FAM219A: variants seen among roughly 807,000 people sequenced by gnomAD.
FAM219A encodes protein FAM219A.
A neutral mutation model predicts 23.4 loss-of-function variants in FAM219A; 7 were observed. The ratio of observed to expected loss-of-function variants is 0.30; its 90% CI spans 0.17 to 0.56. The LOEUF (loss-of-function observed/expected upper bound fraction) is 0.56, where lower values mean the gene tolerates loss of function less well. Among genes scored for constraint, FAM219A ranks in the 20% least tolerant of loss-of-function variants. The pLI is 0.92. For missense variants in FAM219A, 166 were observed against 246.9 expected (o/e 0.67, Z 2.20); for synonymous variants, 93 against 99.0 (o/e 0.94, Z 0.36).
At chr9:34,436,251 T>G (rs1822913048) in intron 1 of FAM219A, among the ~76,000 whole-genome samples, 1 of 152,008 alleles carries the variant, frequency 6.6e-6, no homozygotes, top group Non-Finnish European at 1.5e-5. Context: ...TGGGATTTTT[T>G]TGGGTTTTTT....
intron 1 of FAM219A, among the ~76,000 whole-genome samples, chr9:34,431,569 C>A (rs773285287): frequency 4.6e-5 from 7 of 152,072 alleles, no homozygotes; most frequent in South Asian, 2.1e-4. Context: ...ATAATTATTT[C>A]TTTTCCTAAA....
intron 1 of FAM219A, among the ~76,000 whole-genome samples, chr9:34,437,705 C>T (rs1181396644): frequency 6.6e-6 from 1 of 152,240 alleles, no homozygotes; most frequent in Non-Finnish European, 1.5e-5. Context: ...TTAAATGAAA[C>T]ACTGTGTGTC....
chr9:34,401,598 C>T, intron 5 of FAM219A, 68 bp downstream of exon 5: 3 of 1,554,260 alleles, frequency 1.9e-6, no homozygotes, highest in Non-Finnish European at 2.6e-6. Context: ...GCATTGGCCC[C>T]AGCCCTCCCC....
At chr9:34,401,299 G>A (rs977626826) in intron 5 of FAM219A, among the ~76,000 whole-genome samples, 177 bp from the exon 6 acceptor site, 3 of 152,064 alleles carry the variant, frequency 2.0e-5, no homozygotes, top group Admixed American at 6.6e-5. Flanking sequence ...GCCCTCCTTC[G>A]CCTCTGGCCT....
intron 1 of FAM219A, among the ~76,000 whole-genome samples, chr9:34,454,399 G>A (rs763832088): frequency 6.6e-5 from 10 of 152,158 alleles, no homozygotes; most frequent in African/African-American, 1.7e-4. Context: ...TCACACCACC[G>A]CACTCCAGCC....
intron 1 of FAM219A, among the ~76,000 whole-genome samples, chr9:34,409,467 G>A (rs1438429626): frequency 2.6e-5 from 4 of 152,200 alleles, no homozygotes; most frequent in African/African-American, 4.8e-5. Context: ...AGCTAGATCC[G>A]GGAACTAGAG....
In FAM219A at chr9:34,398,672, A is replaced by G. The variant is rs1327331668; in HGVS notation, c.*2292T>C. On this transcript the variant is annotated 3_prime_UTR_variant, in exon 6 of 6. Transcript: ENST00000651358. ...ACTGCAAGTCAGCAGCAAAGGCAGC[A>G]GTCTAAATGAGCCCCCAAAAAGAGG... The G allele has an allele frequency of 2.7e-6, 1 of 367,310 alleles. No individual in the cohort carries two copies. The highest frequency in any genetic ancestry group is 2.0e-5 in the African/African-American group (1 of 49,616). 22.8% of individuals were successfully genotyped at this position (367,310 alleles called of 1,614,324 possible).
intron 1 of FAM219A, among the ~76,000 whole-genome samples, chr9:34,451,870 AAAAGG>A (rs1297648922): frequency 1.3e-5 from 2 of 152,192 alleles, no homozygotes; most frequent in Non-Finnish European, 2.9e-5. Context: ...CTGGTCTCAG[AAAAGG>A]AAAGTACGTG....
Position 34,457,677 on chromosome 9 carries a change from C to A in FAM219A, c.60+527G>T, listed in dbSNP as rs921277366. On this transcript the variant is annotated intron_variant, in intron 1 of 5. Coordinates refer to ENST00000651358, the MANE Select transcript of FAM219A (RefSeq NM_001184940.2). The surrounding 1 kb of genome is among the most constrained non-coding windows in gnomAD (Gnocchi z 5.1). Reference sequence around the variant, plus strand: ...ACGGAATTCCCAGGTTCTGCACCAACCACCTTCCCCCACTGGGTCCCTCGC... The same window carrying A: ...ACGGAATTCCCAGGTTCTGCACCAAACACCTTCCCCCACTGGGTCCCTCGC... Among the ~76,000 whole-genome samples, 101 of 152,324 alleles carry A rather than the reference C, an allele frequency of 6.6e-4. No individual in the cohort carries two copies. Among genetic ancestry groups the A allele is most frequent in the African/African-American group, 2.2e-3 (90 of 41,578 alleles).
Position 34,398,619 on chromosome 9 carries a change from CAG to C in FAM219A, c.*2343_*2344del. Reference sequence around the variant, plus strand: ...GATTTTCCCTGGTGTCTCAGGGCCACAGAGATTGAACAATGGGCCCGAGTCAC... The same window carrying C: ...GATTTTCCCTGGTGTCTCAGGGCCACAGATTGAACAATGGGCCCGAGTCAC... On this transcript the variant is annotated 3_prime_UTR_variant, in exon 6 of 6. Transcript: ENST00000651358. The C allele has an allele frequency of 1.9e-6, 1 of 536,548 alleles. No homozygotes were observed. Among genetic ancestry groups the C allele is most frequent in the Admixed American group, 3.1e-5 (1 of 32,358 alleles). The allele number at this position is 536,548 out of a possible 1,614,324, so 33.2% of individuals were successfully genotyped here. A position where few individuals can be genotyped will look rare whatever the true frequency, so the allele number is the denominator to read the frequency against.
At chr9:34,454,359 C>T (rs1240301717) in intron 1 of FAM219A, among the ~76,000 whole-genome samples, 1 of 152,172 alleles carries the variant, frequency 6.6e-6, no homozygotes, top group Non-Finnish European at 1.5e-5. Flanking sequence ...TCACTTGAAC[C>T]CTGGAGGCAG....
intron 1 of FAM219A, among the ~76,000 whole-genome samples, chr9:34,450,988 C>T (rs1823544147): frequency 6.6e-6 from 1 of 152,188 alleles, no homozygotes; most frequent in East Asian, 1.9e-4. Context: ...TTAAAATTGA[C>T]CTTCAATAAC....
chr9:34,431,305 G>A (rs1166156682), intron 1 of FAM219A, among the ~76,000 whole-genome samples: 1 of 152,176 alleles, frequency 6.6e-6, no homozygotes, highest in Non-Finnish European at 1.5e-5. Context: ...TTCTCCATGT[G>A]ATAAATCAAC....
chr9:34,452,135 C>A (rs1823581592), intron 1 of FAM219A, among the ~76,000 whole-genome samples: 1 of 152,192 alleles, frequency 6.6e-6, no homozygotes, highest in Non-Finnish European at 1.5e-5. Context: ...CTTGCTGCTA[C>A]CACCAATTCT....
rs1032289178 is a variant in FAM219A at position 34,400,862 on chromosome 9, G to A, written c.*102C>T. 6.4e-6 allele frequency: 8 copies of A among 1,254,646 alleles called. No individual in the cohort carries two copies. The highest frequency in any genetic ancestry group is 4.8e-5 in the South Asian group (3 of 62,472). The allele number at this position is 1,254,646 out of a possible 1,614,324, so 77.7% of individuals were successfully genotyped here. On this transcript the variant is annotated 3_prime_UTR_variant, in exon 6 of 6. Coordinates refer to ENST00000651358, the MANE Select transcript of FAM219A (RefSeq NM_001184940.2). ...ATACGAGGTTGGCGGCTGTAGGGGC[G>A]CGGGGCCGGGGGCAGGCAGACGAGC...
chr9:34,414,492 A>G (rs1821930073), intron 1 of FAM219A, among the ~76,000 whole-genome samples: 1 of 152,240 alleles, frequency 6.6e-6, no homozygotes, highest in South Asian at 2.1e-4. Context: ...ACAAACCTGC[A>G]CGTTCTGCAC....
intron 1 of FAM219A, among the ~76,000 whole-genome samples, chr9:34,421,050 C>T (rs1461382023): frequency 7.0e-5 from 3 of 42,704 alleles, no homozygotes; most frequent in African/African-American, 1.7e-4. Flanking sequence ...GAGAGAATGG[C>T]TCTGCTGAAA....
At chr9:34,440,859 A>G (rs2132001180) in intron 1 of FAM219A, among the ~76,000 whole-genome samples, 2 of 152,114 alleles carry the variant, frequency 1.3e-5, no homozygotes, top group South Asian at 2.1e-4. Flanking sequence ...TCAAAAAAAA[A>G]AAAAAAAAAT....
chr9:34,419,905 C>T (rs1822195862), intron 1 of FAM219A, among the ~76,000 whole-genome samples: 1 of 152,132 alleles, frequency 6.6e-6, no homozygotes, highest in Non-Finnish European at 1.5e-5. Flanking sequence ...ATAGCTTTTC[C>T]TCTCTGTGGC....
Sources: allele counts gnomAD v4.1 joint callset (sites outside exome capture counted in the v4.1 genomes callset), GRCh38; gene constraint gnomAD v4.1.1; non-coding constraint Gnocchi (gnomAD v3.1); transcripts MANE v1.5; gene names NCBI Gene and HGNC (gene_info 2026-07-23, HGNC 2026-07-21).